VPS35L: variants seen among roughly 807,000 people sequenced by gnomAD.
VPS35L encodes VPS35 endosomal protein-sorting factor-like.
In VPS35L, 83 loss-of-function variants were observed where a neutral mutation model predicts 133.0. That is an observed-to-expected ratio of 0.62 (90% CI 0.52 to 0.75). The LOEUF is 0.75. Among genes scored for constraint, VPS35L ranks in the 30% least tolerant of loss-of-function variants. The pLI, the probability that VPS35L is intolerant of heterozygous loss-of-function variation, is 0.00. For synonymous variants in VPS35L, 423 were observed against 449.9 expected, an observed-to-expected ratio of 0.94 and a Z score of 0.76; for missense variants, 1,083 against 1,206.8, an observed-to-expected ratio of 0.90 and a Z score of 1.52.
intron 19 of VPS35L, among the ~76,000 whole-genome samples, chr16:19,636,867 C>T (rs1973637789): frequency 6.6e-6 from 1 of 152,174 alleles, no homozygotes; most frequent in South Asian, 2.1e-4. Context: ...CCATCAGTAT[C>T]TGGGCATTTT....
At chr16:19,556,152 G>A (rs1246819538) in intron 1 of VPS35L, among the ~76,000 whole-genome samples, 1 of 152,152 alleles carries the variant, frequency 6.6e-6, no homozygotes, top group Non-Finnish European at 1.5e-5. Context: ...CAGCTCCTCT[G>A]TTCACCTGGA....
chr16:19,655,703 G>A (rs1419540141), intron 26 of VPS35L, among the ~76,000 whole-genome samples: 2 of 152,170 alleles, frequency 1.3e-5, no homozygotes, highest in Non-Finnish European at 2.9e-5. Flanking sequence ...GATTTGGCAC[G>A]CATGCTTGTG....
chr16:19,698,010 T>G (rs1328969271), intron 29 of VPS35L, among the ~76,000 whole-genome samples: 1 of 152,220 alleles, frequency 6.6e-6, no homozygotes. Context: ...TGCCACAAAC[T>G]TGGCATCTTA....
intron 26 of VPS35L, among the ~76,000 whole-genome samples, chr16:19,658,468 T>G (rs1974374777): frequency 1.3e-5 from 2 of 152,044 alleles, no homozygotes; most frequent in Admixed American, 1.3e-4. Context: ...GGGCAGAGGT[T>G]GCAGTGAGCC....
At chr16:19,604,239 C>T (rs1972476762) in intron 9 of VPS35L, among the ~76,000 whole-genome samples, 1 of 151,790 alleles carries the variant, frequency 6.6e-6, no homozygotes, top group Non-Finnish European at 1.5e-5. Context: ...TATTTACCTG[C>T]CTGGCCCCCA....
chr16:19,591,112 A>C (rs1170444615), intron 7 of VPS35L, among the ~76,000 whole-genome samples: 1 of 152,156 alleles, frequency 6.6e-6, no homozygotes, highest in Non-Finnish European at 1.5e-5. Context: ...TATTCACTGA[A>C]GCTTATGTTC....
intron 26 of VPS35L, among the ~76,000 whole-genome samples, chr16:19,653,284 G>A (rs1974192223): frequency 1.3e-5 from 2 of 152,202 alleles, no homozygotes; most frequent in South Asian, 4.1e-4. Flanking sequence ...AGGGCCTGCA[G>A]GCAGGTTAGC....
chr16:19,573,303 A>G (rs557425172), intron 4 of VPS35L, 62 bp downstream of exon 4: 99 of 1,535,144 alleles, frequency 6.4e-5, no homozygotes, highest in Middle Eastern at 1.7e-4. Flanking sequence ...TCTTTTTGTT[A>G]TGTTGCTTCA....
At chr16:19,653,645 GT>G (rs1974205234) in intron 26 of VPS35L, among the ~76,000 whole-genome samples, 1 of 152,226 alleles carries the variant, frequency 6.6e-6, no homozygotes, top group South Asian at 2.1e-4. Context: ...GTGGACTGAG[GT>G]TTTCAGTGGT....
intron 23 of VPS35L, among the ~76,000 whole-genome samples, chr16:19,645,173 G>C (rs913926265): frequency 3.3e-5 from 5 of 152,060 alleles, no homozygotes; most frequent in African/African-American, 1.2e-4. Context: ...GAGGGTGATG[G>C]GAGGAGGGAT....
At chr16:19,556,554 T>A (rs1970862875) in intron 1 of VPS35L, among the ~76,000 whole-genome samples, 1 of 152,132 alleles carries the variant, frequency 6.6e-6, no homozygotes, top group African/African-American at 2.4e-5. Context: ...TTGATGATAG[T>A]GGGATTTGGG....
rs759448737 is a variant in VPS35L, at chr16:19,569,608, A to G, written c.285+17A>G. 119 of 1,518,168 alleles carry G rather than the reference A, an allele frequency of 7.8e-5. No individual in the cohort carries two copies. Among genetic ancestry groups the G allele is most frequent in the Non-Finnish European group, 1.0e-4 (117 of 1,134,570 alleles). The allele number at this position is 1,518,168 out of a possible 1,614,324, so 94.0% of individuals were successfully genotyped here. A position where few individuals can be genotyped will look rare whatever the true frequency, so the allele number is the denominator to read the frequency against. On this transcript the variant is annotated intron_variant, in intron 3 of 30. Transcript: ENST00000417362. The stretch of plus-strand genomic sequence containing the variant: ...GCTGCCATGGTAATGCACCCCAGCC[A>G]TGGTCGTCCAGTGGGGGTTGGTTTT...
intron 6 of VPS35L, among the ~76,000 whole-genome samples, chr16:19,580,321 A>C (rs1971670603): frequency 6.6e-6 from 1 of 150,680 alleles, no homozygotes. Context: ...GATGTTGACC[A>C]GGCTGGTCTC....
chr16:19,639,198 G>T lies in VPS35L; in HGVS notation c.1699-817G>T, dbSNP rs746160091. 6.6e-6 allele frequency among the ~76,000 whole-genome samples: 1 copy of T among 152,192 alleles called. No individual in the cohort carries two copies. Among genetic ancestry groups the T allele is most frequent in the Non-Finnish European group, 1.5e-5 (1 of 68,026 alleles). On this transcript the variant is annotated intron_variant, in intron 20 of 30. Coordinates refer to ENST00000417362, the MANE Select transcript of VPS35L (RefSeq NM_020314.7). This position sits in a 1 kb window ranked among gnomAD's most constrained non-coding sequence, Gnocchi z 4.1. ...AACTGACACTATGGAAAGCAAAACC[G>T]CAGATAAGGGAGCAACTACCATATT...
Position 19,650,416 on chromosome 16 carries a change from T to A in VPS35L, c.2063T>A (p.Val688Glu). The change falls in exon 25 of 31, where the codon GTA becomes GAA. Residue 688 changes from valine to glutamate, a missense_variant. Coordinates refer to ENST00000417362, the MANE Select transcript of VPS35L (RefSeq NM_020314.7). ...VNRLAMETRK[V>E]MKGNHSRKTA... ...CGGTTGGCAATGGAGACAAGAAAAGTAATGAAAGGAAATCATTCCAGAAAG... is the reference window on the plus strand; with the variant it reads ...CGGTTGGCAATGGAGACAAGAAAAGAAATGAAAGGAAATCATTCCAGAAAG... 1 of 1,613,808 alleles carries A rather than the reference T, an allele frequency of 6.2e-7. No homozygotes were observed. Among genetic ancestry groups the A allele is most frequent in the Non-Finnish European group, 8.5e-7 (1 of 1,179,750 alleles).
At chr16:19,648,405 C>A (rs9940590) in intron 24 of VPS35L, among the ~76,000 whole-genome samples, 52,944 of 151,960 alleles carry the variant, frequency 0.35, 9,425 homozygotes, top group East Asian at 0.37. Context: ...TTTCTGCCTG[C>A]CAGCAACAGA....
At chr16:19,628,534 A>G in intron 16 of VPS35L, 103 bp from the exon 17 acceptor site, 2 of 601,604 alleles carry the variant, frequency 3.3e-6, no homozygotes, top group Non-Finnish European at 5.7e-6. Context: ...GATTAGCCCC[A>G]AGAAGGATTA....
At chr16:19,625,730 G>A (rs1438823393) in intron 14 of VPS35L, among the ~76,000 whole-genome samples, 1 of 152,136 alleles carries the variant, frequency 6.6e-6, no homozygotes, top group Non-Finnish European at 1.5e-5. Context: ...CTGGAGTGCA[G>A]TGGCATGATC....
chr16:19,628,221 G>T (rs1414331600), intron 16 of VPS35L, among the ~76,000 whole-genome samples: 1 of 152,098 alleles, frequency 6.6e-6, no homozygotes, highest in Non-Finnish European at 1.5e-5. Flanking sequence ...AAACTTAGCT[G>T]GGTGTGGTGG....
Sources: gnomAD v4.1 joint callset for allele counts (sites outside exome capture counted in the v4.1 genomes callset) on GRCh38, gnomAD v4.1.1 for gene constraint, Gnocchi (gnomAD v3.1) non-coding constraint, MANE v1.5 for transcripts, NCBI Gene and HGNC (gene_info 2026-07-23, HGNC 2026-07-21) for gene names.